Variants in ASIC2 observed in about 807,000 individuals in gnomAD.
ASIC2 encodes the protein acid-sensing ion channel 2.
In ASIC2, 25 loss-of-function variants were observed where a neutral mutation model predicts 57.3. That is an observed-to-expected ratio of 0.44 (90% confidence interval 0.32 to 0.61). The LOEUF (loss-of-function observed/expected upper bound fraction) is 0.61, where lower values mean the gene tolerates loss of function less well. Among genes scored for constraint, ASIC2 ranks in the 20% least tolerant of loss-of-function variants. The pLI is 0.06. For missense variants in ASIC2, 641 were observed against 738.1 expected (o/e 0.87, Z 1.52); for synonymous variants, 319 against 307.5 (o/e 1.04, Z -0.39).
chr17:34,009,759 T>A (rs1906650940), intron 1 of ASIC2, among the ~76,000 whole-genome samples: 1 of 152,234 alleles, frequency 6.6e-6, no homozygotes, highest in Admixed American at 6.5e-5. Context: ...CTCTTGCCCA[T>A]CTCATTGGCA....
chr17:33,818,127 G>A (rs960233917), intron 1 of ASIC2, among the ~76,000 whole-genome samples: 1 of 152,118 alleles, frequency 6.6e-6, no homozygotes, highest in African/African-American at 2.4e-5. Flanking sequence ...TGGAGTTGAG[G>A]GATAAGGAAA....
chr17:33,491,381 G>T (rs1913753348), intron 1 of ASIC2, among the ~76,000 whole-genome samples: 1 of 152,162 alleles, frequency 6.6e-6, no homozygotes. Flanking sequence ...CCTTGCTGTT[G>T]TCCCTGTCTG....
In ASIC2 at chr17:33,648,855, A is replaced by T. The variant is rs187615428; in HGVS notation, c.555+507123T>A. ...AAACTATAAAACTGTATTGTTAAAA[A>T]ATATTCTGAGAACCCATTTATGATG... On this transcript the variant is annotated intron_variant, in intron 1 of 9. Transcript: ENST00000359872. Among the ~76,000 whole-genome samples, 186 of 152,356 alleles carry T rather than the reference A, an allele frequency of 1.2e-3. 2 individuals are homozygous for T. Among genetic ancestry groups the T allele is most frequent in the Non-Finnish European group, 3.8e-4 (26 of 68,036 alleles).
At chr17:34,054,544 G>C (rs1908691821) in intron 1 of ASIC2, among the ~76,000 whole-genome samples, 1 of 152,128 alleles carries the variant, frequency 6.6e-6, no homozygotes, top group Non-Finnish European at 1.5e-5. Flanking sequence ...CAGCCTTTCT[G>C]AATAGTCTCC....
rs58085265 is a variant in ASIC2, at chr17:33,682,060, C to CTTTTTTT, written c.555+473911_555+473917dup. On this transcript the variant is annotated intron_variant, in intron 1 of 9. Coordinates refer to the ASIC2 transcript ENST00000359872. ...CCACACAGGATGGCATCAGTGACAT[C>CTTTTTTT]TTTTTTTTTTTTTTTTTGAGACAGA... Among the ~76,000 whole-genome samples, 684 of 122,724 alleles carry CTTTTTTT rather than the reference C, an allele frequency of 5.6e-3. 44 individuals are homozygous for CTTTTTTT. The highest frequency in any genetic ancestry group is 0.018 in the African/African-American group (546 of 29,852). The allele number at this position is 122,724 out of a possible 152,430, so 80.5% of individuals were successfully genotyped here.
chr17:33,966,073 A>C (rs1013782453), intron 1 of ASIC2, among the ~76,000 whole-genome samples: 3 of 152,346 alleles, frequency 2.0e-5, no homozygotes, highest in African/African-American at 7.2e-5. Flanking sequence ...GCTATTGTTC[A>C]AGGCATTTTA....
intron 1 of ASIC2, among the ~76,000 whole-genome samples, chr17:33,741,388 G>T (rs1487815889): frequency 2.0e-5 from 3 of 152,186 alleles, no homozygotes; most frequent in Non-Finnish European, 4.4e-5. Flanking sequence ...AGGACTGATA[G>T]GAAGATCTAA....
chr17:33,436,853 C>CTTCTTTTTTTTT (rs1356302162), intron 1 of ASIC2, among the ~76,000 whole-genome samples: 15 of 66,614 alleles, frequency 2.3e-4, no homozygotes, highest in Admixed American at 6.4e-4. Flanking sequence ...ATTCCAACTT[C>CTTCTTTTTTTTT]TTTTTTTTTT....
chr17:33,836,135 T>TTTC (rs1913267997), intron 1 of ASIC2, among the ~76,000 whole-genome samples: 1 of 148,832 alleles, frequency 6.7e-6, no homozygotes, highest in South Asian at 2.2e-4. Context: ...TTTTTTTTTT[T>TTTC]TGGAGACAGT....
At chr17:33,777,649 T>G (rs1236092693) in intron 1 of ASIC2, among the ~76,000 whole-genome samples, 1 of 152,206 alleles carries the variant, frequency 6.6e-6, no homozygotes, top group Non-Finnish European at 1.5e-5. Context: ...TTCAGCCTGC[T>G]GTGCGGTAAC....
intron 1 of ASIC2, among the ~76,000 whole-genome samples, chr17:33,346,310 G>A (rs974309513): frequency 1.3e-5 from 2 of 150,854 alleles, no homozygotes; most frequent in Non-Finnish European, 3.0e-5. Context: ...AATGTATTTT[G>A]GAAGCAGAAT....
intron 1 of ASIC2, among the ~76,000 whole-genome samples, chr17:33,301,353 T>A (rs1204728791): frequency 6.6e-6 from 1 of 152,162 alleles, no homozygotes; most frequent in East Asian, 1.9e-4. Context: ...ACTTAACTCA[T>A]GTTATCTTCA....
intron 1 of ASIC2, among the ~76,000 whole-genome samples, chr17:33,684,415 A>G (rs1055029010): frequency 3.3e-5 from 5 of 152,020 alleles, no homozygotes; most frequent in African/African-American, 1.2e-4. Context: ...GCAGCAGAGC[A>G]GCTAGATATT....
intron 1 of ASIC2, among the ~76,000 whole-genome samples, chr17:33,364,849 C>G (rs576611459): frequency 6.6e-6 from 1 of 152,184 alleles, no homozygotes; most frequent in South Asian, 2.1e-4. Flanking sequence ...CATGAATTCC[C>G]CTTCGTTACT....
intron 1 of ASIC2, among the ~76,000 whole-genome samples, chr17:33,685,132 T>C (rs1908141555): frequency 1.3e-5 from 2 of 152,188 alleles, no homozygotes; most frequent in Admixed American, 1.3e-4. Flanking sequence ...AGTCTTTCAC[T>C]GAGAGGAGAG....
chr17:34,109,960 G>C (rs191868439), intron 1 of ASIC2, among the ~76,000 whole-genome samples: 55 of 151,862 alleles, frequency 3.6e-4, no homozygotes, highest in African/African-American at 1.3e-3. Flanking sequence ...GTGTGTGAGA[G>C]AGAAAGAGAG....
chr17:33,371,030 C>A (rs1347337121), intron 1 of ASIC2, among the ~76,000 whole-genome samples: 2 of 152,104 alleles, frequency 1.3e-5, no homozygotes, highest in Non-Finnish European at 2.9e-5. Context: ...TACAGGATAA[C>A]AAAAAAGTCA....
At chr17:34,023,968 T>C (rs1420734646) in intron 1 of ASIC2, among the ~76,000 whole-genome samples, 1 of 152,200 alleles carries the variant, frequency 6.6e-6, no homozygotes, top group African/African-American at 2.4e-5. Flanking sequence ...CATTCAACCC[T>C]ATGAGGCAGG....
exon 1 of ASIC2, chr17:34,155,983 T>C: frequency 6.2e-7 from 1 of 1,604,522 alleles, no homozygotes; most frequent in South Asian, 1.1e-5. Flanking sequence ...CTCACTGTGG[T>C]GAAGTCTTGG....
Sources: allele counts gnomAD v4.1 joint callset (sites outside exome capture counted in the v4.1 genomes callset), GRCh38; gene constraint gnomAD v4.1.1; transcripts MANE v1.5; gene names NCBI Gene and HGNC (gene_info 2026-07-23, HGNC 2026-07-21).